PTPRN2: variants seen among roughly 807,000 people sequenced by gnomAD.
PTPRN2 encodes the protein protein tyrosine phosphatase receptor type N2.
In PTPRN2, 74 loss-of-function variants were observed where a neutral mutation model predicts 118.8. The observed-to-expected ratio is 0.62, with a 90% CI of 0.52 to 0.76. The LOEUF (loss-of-function observed/expected upper bound fraction) is 0.76. Among genes scored for constraint, PTPRN2 ranks in the 30% least tolerant of loss-of-function variants. The pLI, the probability that PTPRN2 is intolerant of heterozygous loss-of-function variation, is 0.00. For missense variants in PTPRN2, 1,481 were observed against 1,394.4 expected (o/e 1.06, Z -0.99); for synonymous variants, 641 against 608.0 (o/e 1.05, Z -0.80).
chr7:157,800,144 C>T (rs926610155), intron 12 of PTPRN2, among the ~76,000 whole-genome samples: 6 of 146,406 alleles, frequency 4.1e-5, no homozygotes, highest in South Asian at 2.3e-4. Flanking sequence ...GCACCACAGG[C>T]GGCCTCCCCA....
chr7:157,773,614 C>T (rs1432901973), intron 12 of PTPRN2, among the ~76,000 whole-genome samples: 2 of 152,246 alleles, frequency 1.3e-5, no homozygotes, highest in Non-Finnish European at 2.9e-5. Flanking sequence ...TGCTGTACCT[C>T]CCACCCAAGC....
At chr7:157,673,793 C>T (rs1585216736) in intron 13 of PTPRN2, among the ~76,000 whole-genome samples, 1 of 152,096 alleles carries the variant, frequency 6.6e-6, no homozygotes, top group Non-Finnish European at 1.5e-5. Flanking sequence ...GCACCCAGGG[C>T]TCCCCGCGTT....
At chr7:158,266,962 C>T (rs1348436980) in intron 3 of PTPRN2, among the ~76,000 whole-genome samples, 4 of 152,138 alleles carry the variant, frequency 2.6e-5, no homozygotes, top group Non-Finnish European at 5.9e-5. Context: ...AGCTCCCTCC[C>T]ACGTCTACAT....
intron 12 of PTPRN2, among the ~76,000 whole-genome samples, chr7:157,747,889 T>C (rs1242537877): frequency 5.2e-5 from 7 of 133,618 alleles, no homozygotes; most frequent in African/African-American, 1.2e-4. Flanking sequence ...GGTGTCCGGG[T>C]GATTCTGAGG....
At chr7:158,071,559 G>GAGGTTCTCATGGTGC (rs1811687390) in intron 11 of PTPRN2, among the ~76,000 whole-genome samples, 1 of 24,610 alleles carries the variant, frequency 4.1e-5, no homozygotes, top group Non-Finnish European at 9.9e-5. Context: ...CCTGGTGGTG[G>GAGGTTCTCATGGTGC]AGGTGCTCCT....
chr7:157,629,400 T>A lies in PTPRN2; in HGVS notation c.2197-7891A>T, dbSNP rs1803802908. ...ATACTGAGAGGTGCAAGATGATTTA[T>A]TATTATTATTAAAAATAATAATGAG... On this transcript the variant is annotated intron_variant, in intron 14 of 22. Transcript: ENST00000389418. The surrounding 1 kb of genome is among the most constrained non-coding windows in gnomAD (Gnocchi z 4.4). Among the ~76,000 whole-genome samples the A allele has an allele frequency of 6.6e-6, 1 of 152,142 alleles. No individual in the cohort carries two copies. The highest frequency in any genetic ancestry group is 1.5e-5 in the Non-Finnish European group (1 of 68,032).
At chr7:157,694,491 A>C (rs1306355501) in intron 12 of PTPRN2, among the ~76,000 whole-genome samples, 3 of 152,126 alleles carry the variant, frequency 2.0e-5, no homozygotes, top group Non-Finnish European at 4.4e-5. Flanking sequence ...CTGAAGGCGG[A>C]CCCACACTCT....
chr7:158,101,484 C>G (rs567165100), intron 10 of PTPRN2, among the ~76,000 whole-genome samples: 3 of 152,122 alleles, frequency 2.0e-5, no homozygotes, highest in Admixed American at 6.5e-5. Flanking sequence ...GACAAAGAAC[C>G]CAATAGCAAA....
chr7:157,871,945 C>T (rs1811075108), intron 12 of PTPRN2, among the ~76,000 whole-genome samples: 1 of 149,116 alleles, frequency 6.7e-6, no homozygotes, highest in South Asian at 2.1e-4. Flanking sequence ...CAGCACTTTC[C>T]CACACACATA....
rs1474194577 is a variant in PTPRN2 at position 158,587,673 on chromosome 7, CGCGGCCTGGCCG to C, written c.-16_-5del. 15 of 1,324,940 alleles carry C rather than the reference CGCGGCCTGGCCG, an allele frequency of 1.1e-5. No homozygotes were observed. Among genetic ancestry groups the C allele is most frequent in the African/African-American group, 1.6e-5 (1 of 64,208 alleles). 82.1% of individuals were successfully genotyped at this position (1,324,940 alleles called of 1,614,324 possible). Reference sequence around the variant, plus strand: ...GCAGCGGGAGCGGCGGCCCCATCCCCGCGGCCTGGCCGGCGGCGCTCAGTCCATGGCCGCGCG... The same window carrying C: ...GCAGCGGGAGCGGCGGCCCCATCCCCGCGGCGCTCAGTCCATGGCCGCGCG... On this transcript the variant is annotated 5_prime_UTR_variant, in exon 1 of 23. Transcript: ENST00000389418.
At chr7:157,563,193 C>T (rs1799294407) in intron 21 of PTPRN2, among the ~76,000 whole-genome samples, 1 of 126,588 alleles carries the variant, frequency 7.9e-6, no homozygotes, top group Admixed American at 7.5e-5. Flanking sequence ...ATCAGGACCA[C>T]GTGCTCCCAT....
At chr7:157,579,386 C>T (rs1042067416) in intron 17 of PTPRN2, among the ~76,000 whole-genome samples, 6 of 152,192 alleles carry the variant, frequency 3.9e-5, no homozygotes, top group South Asian at 2.1e-4. Context: ...ATGTTTCTTA[C>T]GCCAGGCTTT....
intron 11 of PTPRN2, among the ~76,000 whole-genome samples, chr7:157,949,825 C>A (rs4716826): frequency 0.52 from 79,525 of 152,060 alleles, 21,680 homozygotes; most frequent in East Asian, 0.66. Flanking sequence ...AACAGGGTTC[C>A]ATTTCCAGAT....
chr7:158,070,393 G>A (rs1366063842), intron 11 of PTPRN2, among the ~76,000 whole-genome samples: 1 of 144,548 alleles, frequency 6.9e-6, no homozygotes, highest in Non-Finnish European at 1.5e-5. Flanking sequence ...TGGTGGAGGT[G>A]CTCGTGGTGG....
intron 6 of PTPRN2, among the ~76,000 whole-genome samples, chr7:158,149,688 C>T (rs546820309): frequency 6.6e-6 from 1 of 152,122 alleles, no homozygotes; most frequent in South Asian, 2.1e-4. Flanking sequence ...CCTGTAGTCC[C>T]AGCTACTCAG....
At chr7:157,793,263 T>C (rs1804638258) in intron 12 of PTPRN2, among the ~76,000 whole-genome samples, 3 of 152,096 alleles carry the variant, frequency 2.0e-5, no homozygotes, top group African/African-American at 7.2e-5. Context: ...TGAACAAAAA[T>C]TGTAAGGTTT....
intron 11 of PTPRN2, chr7:158,030,779 G>C (rs954442764): frequency 6.6e-6 from 1 of 152,380 alleles, no homozygotes; most frequent in East Asian, 1.9e-4. Context: ...TCAGACCCTG[G>C]GGGGTGCAGG....
At chr7:157,633,697 A>G (rs1804109698) in intron 14 of PTPRN2, among the ~76,000 whole-genome samples, 1 of 152,032 alleles carries the variant, frequency 6.6e-6, no homozygotes, top group Non-Finnish European at 1.5e-5. Flanking sequence ...TCCTACAGGG[A>G]AGGGCAGTGA....
intron 22 of PTPRN2, among the ~76,000 whole-genome samples, chr7:157,548,188 C>T (rs1001492762): frequency 3.3e-5 from 5 of 152,142 alleles, no homozygotes; most frequent in African/African-American, 1.2e-4. Context: ...TGCACTCCAG[C>T]CTGGGTGACA....
Sources: allele counts gnomAD v4.1 joint callset (sites outside exome capture counted in the v4.1 genomes callset), GRCh38; gene constraint gnomAD v4.1.1; non-coding constraint Gnocchi (gnomAD v3.1); transcripts MANE v1.5; gene names NCBI Gene and HGNC (gene_info 2026-07-23, HGNC 2026-07-21).